TNRC6A: variants seen among roughly 807,000 people sequenced by gnomAD.
TNRC6A encodes the protein trinucleotide repeat-containing gene 6A protein.
In TNRC6A, 44 loss-of-function variants were observed where a neutral mutation model predicts 221.2. The ratio of observed to expected loss-of-function variants is 0.20; its 90% CI spans 0.16 to 0.26. TNRC6A has a LOEUF of 0.26. Among genes scored for constraint, TNRC6A ranks in the 10% least tolerant of loss-of-function variants. The pLI is 1.00. For missense variants in TNRC6A, 2,199 were observed against 2,404.4 expected, an observed-to-expected ratio of 0.91 and a Z score of 1.79; for synonymous variants, 847 against 838.5, an observed-to-expected ratio of 1.01 and a Z score of -0.18.
intron 2 of TNRC6A, among the ~76,000 whole-genome samples, chr16:24,733,637 G>A (rs2056695075): frequency 6.6e-6 from 1 of 152,218 alleles, no homozygotes. Context: ...ATTGCAGTGG[G>A]TAGTTCAGGT....
chr16:24,618,796 ATTT>A (rs35385866), intron 1 of TNRC6A, among the ~76,000 whole-genome samples: 1 of 142,966 alleles, frequency 7.0e-6, no homozygotes, highest in Non-Finnish European at 1.5e-5. Context: ...ACACCTGGCT[ATTT>A]TTTTTTTTTA....
rs139177520 is a variant in TNRC6A, at chr16:24,791,292, G to C, written c.2650G>C (p.Val884Leu). 1 of 1,612,680 alleles carries C rather than the reference G, an allele frequency of 6.2e-7. No individual in the cohort carries two copies. Among genetic ancestry groups the C allele is most frequent in the Non-Finnish European group, 8.5e-7 (1 of 1,179,256 alleles). ...SSGGSDSDRSVSGWNELGKTS... is the reference protein window; with the variant it reads ...SSGGSDSDRSLSGWNELGKTS... ...AGGAGGTAGTGACAGTGACAGGTCCGTTTCCGGTTGGAACGAACTTGGTAA... is the reference window on the plus strand; with the variant it reads ...AGGAGGTAGTGACAGTGACAGGTCCCTTTCCGGTTGGAACGAACTTGGTAA... Residue 884 changes from valine (V) to leucine (L), a missense_variant, in exon 6 of 25, where the codon GTT (valine) becomes CTT (leucine). Physicochemically the swap from Val to Leu is conservative, Grantham distance 32. This residue lies in a region of TNRC6A where 1,405 missense variants were observed against 1,400.2 expected (regional missense o/e 1.00). Coordinates refer to ENST00000395799, the MANE Select transcript of TNRC6A (RefSeq NM_014494.4).
intron 11 of TNRC6A, 138 bp from the exon 12 acceptor site, chr16:24,804,039 G>A (rs1596774822): frequency 1.3e-6 from 1 of 776,132 alleles, no homozygotes; most frequent in African/African-American, 1.8e-5. Flanking sequence ...TTATGAAATG[G>A]AAGTGTATTT....
chr16:24,624,182 C>A (rs1463742636), intron 1 of TNRC6A, among the ~76,000 whole-genome samples: 1 of 152,164 alleles, frequency 6.6e-6, no homozygotes, highest in Non-Finnish European at 1.5e-5. Context: ...CTCGCCCACA[C>A]GTTTCTTACC....
chr16:24,720,142 C>T (rs1371727013), intron 2 of TNRC6A, among the ~76,000 whole-genome samples: 1 of 152,134 alleles, frequency 6.6e-6, no homozygotes, highest in Non-Finnish European at 1.5e-5. Flanking sequence ...CCCTGGAAAT[C>T]CTTTCTACTA....
intron 2 of TNRC6A, among the ~76,000 whole-genome samples, chr16:24,644,008 A>T (rs1902135100): frequency 6.6e-6 from 1 of 151,916 alleles, no homozygotes; most frequent in African/African-American, 2.4e-5. Flanking sequence ...CCCAGCAGGA[A>T]CACTGGTGCA....
At chr16:24,715,605 C>CTTTTTTTTTTTTTTTTTT (rs58843836) in intron 2 of TNRC6A, among the ~76,000 whole-genome samples, 2 of 127,220 alleles carry the variant, frequency 1.6e-5, no homozygotes, top group Non-Finnish European at 1.7e-5. Context: ...TGAGTAGTTT[C>CTTTTTTTTTTTTTTTTTT]TTTTTTTTTT....
chr16:24,689,346 T>C (rs1354463430), intron 2 of TNRC6A, among the ~76,000 whole-genome samples: 1 of 152,118 alleles, frequency 6.6e-6, no homozygotes, highest in African/African-American at 2.4e-5. Flanking sequence ...GTGGGCAGGA[T>C]TTGAGACCGG....
intron 1 of TNRC6A, among the ~76,000 whole-genome samples, chr16:24,622,465 G>A (rs1900726045): frequency 6.6e-6 from 1 of 152,068 alleles, no homozygotes; most frequent in South Asian, 2.1e-4. Context: ...GCAGGGTGTG[G>A]TGGTGCGTGC....
chr16:24,794,630 G>A lies in TNRC6A; in HGVS notation c.3439G>A (p.Val1147Met), dbSNP rs553631500. Residue 1147 changes from valine (V) to methionine (M), a missense_variant, in exon 8 of 25, where the codon GTG becomes ATG. This residue lies in a region of TNRC6A where 1,405 missense variants were observed against 1,400.2 expected (regional missense o/e 1.00). Transcript: ENST00000395799. ...RPTGWEEEED[V>M]EIGMWNSNSS... ...CACTGGCTGGGAAGAGGAAGAGGATGTGGAGATTGGAATGTGGAATAGTAA... is the reference window on the plus strand; with the variant it reads ...CACTGGCTGGGAAGAGGAAGAGGATATGGAGATTGGAATGTGGAATAGTAA... 2 of 1,614,086 alleles carry A rather than the reference G, an allele frequency of 1.2e-6. No homozygotes were observed. Among genetic ancestry groups the A allele is most frequent in the South Asian group, 1.1e-5 (1 of 91,072 alleles).
At chr16:24,819,714 G>GTGGT in intron 21 of TNRC6A, 3 of 199,250 alleles carry the variant, frequency 1.5e-5, no homozygotes, top group Non-Finnish European at 3.1e-5. Context: ...ATCTCCTTTG[G>GTGGT]CAGCTCCTGA....
At chr16:24,771,270 T>A (rs540324456) in intron 4 of TNRC6A, among the ~76,000 whole-genome samples, 6 of 152,306 alleles carry the variant, frequency 3.9e-5, no homozygotes, top group African/African-American at 1.4e-4. Context: ...GAGTTCTCAG[T>A]GTTTCAGAGT....
At chr16:24,620,874 A>C (rs1900632347) in intron 1 of TNRC6A, among the ~76,000 whole-genome samples, 1 of 151,994 alleles carries the variant, frequency 6.6e-6, no homozygotes, top group Admixed American at 6.6e-5. Flanking sequence ...TCACGATGTC[A>C]AGAGATCGAG....
chr16:24,663,779 GC>G (rs1298971207), intron 2 of TNRC6A: 6 of 375,554 alleles, frequency 1.6e-5, no homozygotes, highest in Non-Finnish European at 3.2e-5. Context: ...CCAGTGTCCA[GC>G]CCCTCCAGAG....
intron 5 of TNRC6A, among the ~76,000 whole-genome samples, chr16:24,777,840 C>T (rs1025807738): frequency 6.6e-6 from 1 of 152,116 alleles, no homozygotes; most frequent in Non-Finnish European, 1.5e-5. Flanking sequence ...TATATTCAAA[C>T]AGAGGAAATG....
At position 24,749,544 on chromosome 16, in the gene TNRC6A, G is replaced by T. The variant is rs77851643; in HGVS notation, c.54-1182G>T. Among the ~76,000 whole-genome samples the T allele has an allele frequency of 7.9e-5, 12 of 152,242 alleles. 1 individual carries two copies. The highest frequency in any genetic ancestry group is 2.6e-4 in the African/African-American group (11 of 41,564). On this transcript the variant is annotated intron_variant, in intron 2 of 24. Transcript: ENST00000395799. ...TTTCTATTCCTTAGGCAGTCTTTTT[G>T]CTTCATGCTCTCTTGCTCTGGTCTT...
Position 24,791,520 on chromosome 16 carries a change from C to T in TNRC6A, c.2878C>T (p.Pro960Ser). 1.3e-6 allele frequency: 2 copies of T among 1,535,032 alleles called. No individual in the cohort carries two copies. The highest frequency in any genetic ancestry group is 2.2e-5 in the Admixed American group (1 of 46,284). Residue 960 changes from proline to serine, a missense_variant, in exon 6 of 25, where the codon CCA becomes TCA. Around this residue, in one of 8 missense-constraint regions of TNRC6A, gnomAD observed 1,405 missense variants for 1,400.2 expected, o/e 1.00. Coordinates refer to ENST00000395799, the MANE Select transcript of TNRC6A (RefSeq NM_014494.4). ...QDIVGSWGIP[P>S]ATGKPPGTGW... ...CATTGTTGGATCTTGGGGAATCCCA[C>T]CAGCTACAGGCAAACCTCCTGGTAC...
At chr16:24,706,830 G>GA (rs1214227327) in intron 2 of TNRC6A, among the ~76,000 whole-genome samples, 1 of 151,702 alleles carries the variant, frequency 6.6e-6, no homozygotes, top group Non-Finnish European at 1.5e-5. Context: ...AAATCAGAGA[G>GA]AAAAAAATAA....
intron 1 of TNRC6A, among the ~76,000 whole-genome samples, chr16:24,612,592 C>CA (rs113914907): frequency 0.038 from 4,735 of 125,648 alleles, 198 homozygotes; most frequent in East Asian, 0.15. Context: ...ACAAAAAATA[C>CA]AAAAAAAAAA....
Sources: gnomAD v4.1 joint callset for allele counts (sites outside exome capture counted in the v4.1 genomes callset) on GRCh38, gnomAD v4.1.1 for gene constraint, gnomAD v4.1.1 regional missense constraint, MANE v1.5 for transcripts, NCBI Gene and HGNC (gene_info 2026-07-23, HGNC 2026-07-21) for gene names.